WDFY4: variants seen among roughly 807,000 people sequenced by gnomAD.
The protein encoded by WDFY4 is WDFY family member 4, also known as WD repeat- and FYVE domain-containing protein 4.
A neutral mutation model predicts 351.9 loss-of-function variants in WDFY4; 169 were observed. The ratio of observed to expected loss-of-function variants is 0.48; its 90% CI spans 0.42 to 0.55. The LOEUF is 0.55. Ranked by LOEUF, WDFY4 falls within the 20% of genes least tolerant of loss-of-function variation. The pLI is 0.00. For synonymous variants in WDFY4, 1,622 were observed against 1,574.6 expected, an observed-to-expected ratio of 1.03 and a Z score of -0.71; for missense variants, 3,803 against 3,935.6, an observed-to-expected ratio of 0.97 and a Z score of 0.90.
chr10:48,924,424 G>A (rs144938799), intron 47 of WDFY4, among the ~76,000 whole-genome samples: 3 of 152,334 alleles, frequency 2.0e-5, no homozygotes, highest in Non-Finnish European at 4.4e-5. Context: ...GTAAGAGTGG[G>A]ATCAACCCAC....
chr10:48,906,896 T>C (rs1320786659), intron 47 of WDFY4, among the ~76,000 whole-genome samples: 1 of 152,190 alleles, frequency 6.6e-6, no homozygotes, highest in Non-Finnish European at 1.5e-5. Context: ...TATTGGCTTA[T>C]ATTATTTTCC....
At chr10:48,688,557 G>A (rs902661704) in intron 1 of WDFY4, among the ~76,000 whole-genome samples, 6 of 152,068 alleles carry the variant, frequency 3.9e-5, no homozygotes, top group African/African-American at 1.4e-4. Flanking sequence ...TTTATATTGT[G>A]TCAATTGTCA....
At chr10:48,749,886 G>A (rs983349934) in intron 12 of WDFY4, among the ~76,000 whole-genome samples, 1 of 152,124 alleles carries the variant, frequency 6.6e-6, no homozygotes, top group Non-Finnish European at 1.5e-5. Flanking sequence ...GCCAGGCCTC[G>A]TGGGCTGACG....
At chr10:48,774,349 C>T (rs56121759) in intron 13 of WDFY4, 109 bp from the exon 14 acceptor site, 181 of 1,118,132 alleles carry the variant, frequency 1.6e-4, no homozygotes, top group Non-Finnish European at 2.0e-4. Flanking sequence ...GTATGGTGGG[C>T]GCAGTCTCCT....
rs529664934 is a variant in WDFY4 at position 48,882,097 on chromosome 10, T to G, written c.7167+4898T>G. 5.3e-5 allele frequency among the ~76,000 whole-genome samples: 8 copies of G among 152,274 alleles called. No homozygotes were observed. The South Asian group carries it at 1.5e-3, about 28-fold the overall frequency. On this transcript the variant is annotated intron_variant, in intron 43 of 61. Transcript: ENST00000325239. ...GCTCAGCCTGACAGGGCAGCAGGAA[T>G]CAGGAGGTCCTCCAGGGGAGCCAAC... is the stretch of plus-strand genomic sequence containing the variant.
intron 39 of WDFY4, among the ~76,000 whole-genome samples, chr10:48,850,475 C>T (rs1051247428): frequency 6.6e-6 from 1 of 152,118 alleles, no homozygotes; most frequent in Non-Finnish European, 1.5e-5. Context: ...TAACTGATCT[C>T]ATATGCGCTT....
intron 43 of WDFY4, among the ~76,000 whole-genome samples, chr10:48,885,068 CT>C (rs112520065): frequency 8.7e-5 from 13 of 149,914 alleles, no homozygotes; most frequent in East Asian, 1.9e-4. Context: ...CAGATGAAAC[CT>C]TTTTTTTTTC....
intron 19 of WDFY4, 23 bp downstream of exon 19, chr10:48,780,142 C>T (rs1236146910): frequency 1.3e-6 from 2 of 1,550,954 alleles, no homozygotes; most frequent in African/African-American, 1.4e-5. Context: ...CTCCAAGCTG[C>T]ACTTGCCCCA....
At chr10:48,981,565 AC>A in intron 61 of WDFY4, 87 bp downstream of exon 61, 1 of 1,326,022 alleles carries the variant, frequency 7.5e-7, no homozygotes, top group Non-Finnish European at 1.0e-6. Flanking sequence ...AGTCCAGGCC[AC>A]CTGGCCGAGG....
In WDFY4 at chr10:48,772,526, T is replaced by G. The variant is rs965295930; in HGVS notation, c.2554-1932T>G. Among the ~76,000 whole-genome samples, 75 of 140,370 alleles carry G rather than the reference T, an allele frequency of 5.3e-4. 1 individual carries two copies. The highest frequency in any genetic ancestry group is 8.6e-4 in the Non-Finnish European group (57 of 65,954). The allele number at this position is 140,370 out of a possible 152,430, so 92.1% of individuals were successfully genotyped here. A position where few individuals can be genotyped will look rare whatever the true frequency, so the allele number is the denominator to read the frequency against. On this transcript the variant is annotated intron_variant, in intron 13 of 61. Transcript: ENST00000325239. ...CTAGTGGAGGGCAGTTCTTTTTTTT[T>G]TTTTTTTTTGCATTTTCTTTTTTTT...
intron 47 of WDFY4, among the ~76,000 whole-genome samples, chr10:48,916,030 T>C (rs966483704): frequency 6.6e-6 from 1 of 152,226 alleles, no homozygotes; most frequent in Non-Finnish European, 1.5e-5. Context: ...GTATGCTCAC[T>C]TGGTCCCACC....
chr10:48,692,986 G>A (rs1239105103), intron 1 of WDFY4, among the ~76,000 whole-genome samples: 3 of 152,200 alleles, frequency 2.0e-5, no homozygotes. Context: ...CATGAGCTGT[G>A]TCTGGAAGGT....
rs540983858 is a variant in WDFY4 at position 48,945,449 on chromosome 10, C to T, written c.7750-591C>T. 2.0e-5 allele frequency among the ~76,000 whole-genome samples: 3 copies of T among 152,276 alleles called. No individual in the cohort carries two copies. In the South Asian group the frequency reaches 6.2e-4, roughly 32 times the overall value. ...AAATGCAAACCCCAGCAATTCTTGG[C>T]TCCTCTGCTAACATACAGAACCTGA... On this transcript the variant is annotated intron_variant, in intron 49 of 61. Transcript: ENST00000325239.
chr10:48,796,441 C>T lies in WDFY4; in HGVS notation c.4401C>T (p.Cys1467=). 1 of 1,551,050 alleles carries T rather than the reference C, an allele frequency of 6.4e-7. No individual in the cohort carries two copies. The highest frequency in any genetic ancestry group is 8.7e-7 in the Non-Finnish European group (1 of 1,146,966). ...TNTGVFQHIL[C]NFELWMNTAD... ...CTGGTGTCTTCCAGCACATCCTCTGCAATTTCGAGGTAAATCAGAGATTGG... is the reference window on the plus strand; with the variant it reads ...CTGGTGTCTTCCAGCACATCCTCTGTAATTTCGAGGTAAATCAGAGATTGG... Residue 1467 remains cysteine (C), a synonymous_variant, in exon 24 of 62, where the codon TGC becomes TGT. Transcript: ENST00000325239.
chr10:48,715,343 G>C (rs1201368612), intron 2 of WDFY4, among the ~76,000 whole-genome samples: 1 of 152,230 alleles, frequency 6.6e-6, no homozygotes, highest in Non-Finnish European at 1.5e-5. Context: ...TGCACAACAG[G>C]TAACTGGAAA....
At chr10:48,936,190 A>T (rs916869681) in intron 47 of WDFY4, among the ~76,000 whole-genome samples, 18 of 152,180 alleles carry the variant, frequency 1.2e-4, no homozygotes, top group African/African-American at 4.1e-4. Context: ...AATGACTTCA[A>T]TTTAGAAATA....
chr10:48,936,855 A>T (rs1840402885), intron 47 of WDFY4, among the ~76,000 whole-genome samples: 1 of 151,798 alleles, frequency 6.6e-6, no homozygotes, highest in South Asian at 2.1e-4. Context: ...AAAAAAAGAA[A>T]AAAAAAGAAA....
At chr10:48,957,388 C>T in intron 52 of WDFY4, 106 bp downstream of exon 52, 1 of 1,396,564 alleles carries the variant, frequency 7.2e-7, no homozygotes, top group Admixed American at 2.2e-5. Flanking sequence ...AGGCCCTCCC[C>T]AGGACCTCAA....
At chr10:48,981,311 CTGTA>C in intron 60 of WDFY4, 52 bp from the exon 61 acceptor site, 1 of 1,451,678 alleles carries the variant, frequency 6.9e-7, no homozygotes. Flanking sequence ...CAGATGCACA[CTGTA>C]TGTGCGAAGC....
Sources: allele counts gnomAD v4.1 joint callset (sites outside exome capture counted in the v4.1 genomes callset), GRCh38; gene constraint gnomAD v4.1.1; transcripts MANE v1.5; gene names NCBI Gene and HGNC (gene_info 2026-07-23, HGNC 2026-07-21).